C12orf42: variants seen among roughly 807,000 people sequenced by gnomAD.
C12orf42 encodes uncharacterized protein C12orf42.
C12orf42 carries 25 observed loss-of-function variants against 21.6 expected under a neutral mutation model. That is an observed-to-expected ratio of 1.16 (90% CI 0.84 to 1.62). C12orf42 has a LOEUF of 1.62. C12orf42 is among the 40% of genes most tolerant of loss of function. The pLI is 0.00. For synonymous variants in C12orf42, 174 were observed against 175.0 expected, an observed-to-expected ratio of 0.99 and a Z score of 0.05; for missense variants, 483 against 459.3, an observed-to-expected ratio of 1.05 and a Z score of -0.47.
chr12:103,328,909 G>A (rs1045493489), intron 4 of C12orf42, among the ~76,000 whole-genome samples: 2 of 152,210 alleles, frequency 1.3e-5, no homozygotes, highest in Non-Finnish European at 2.9e-5. Context: ...AATAATGATT[G>A]AGCCCTTACT....
At chr12:103,104,284 C>A in the C12orf42 span, among the ~76,000 whole-genome samples, 2 of 152,072 alleles carry the variant, frequency 1.3e-5, no homozygotes, top group Non-Finnish European at 2.9e-5. Context: ...GTTAAACACA[C>A]ATAAGTTCAA....
At chr12:103,106,992 T>C in the C12orf42 span, among the ~76,000 whole-genome samples, 1 of 151,956 alleles carries the variant, frequency 6.6e-6, no homozygotes, top group Non-Finnish European at 1.5e-5. Flanking sequence ...GCAGCATTAT[T>C]GATGTTAGGC....
the C12orf42 span, among the ~76,000 whole-genome samples, chr12:103,231,729 T>A: frequency 6.6e-6 from 1 of 152,218 alleles, no homozygotes; most frequent in Admixed American, 6.5e-5. Context: ...ATAACTTGGA[T>A]TCTTCCAAGT....
At chr12:103,503,101 A>G in the C12orf42 span, among the ~76,000 whole-genome samples, 2 of 152,224 alleles carry the variant, frequency 1.3e-5, no homozygotes, top group African/African-American at 4.8e-5. Context: ...CATACAAGTG[A>G]GAAGACTAAG....
chr12:103,088,899 C>G, the C12orf42 span, among the ~76,000 whole-genome samples: 82 of 152,002 alleles, frequency 5.4e-4, no homozygotes, highest in African/African-American at 1.7e-3. Flanking sequence ...GTCAGGAGAT[C>G]GAGACCATCC....
chr12:103,163,818 ATAGT>A, the C12orf42 span, among the ~76,000 whole-genome samples: 2 of 152,122 alleles, frequency 1.3e-5, no homozygotes. Context: ...TAAAATTGGG[ATAGT>A]TAAAGTGCCT....
At chr12:103,132,856 A>G in the C12orf42 span, among the ~76,000 whole-genome samples, 2 of 152,130 alleles carry the variant, frequency 1.3e-5, no homozygotes, top group African/African-American at 4.8e-5. Flanking sequence ...CGTCTGGCAT[A>G]AGTCTGTTGC....
chr12:103,512,339 A>G, the C12orf42 span, among the ~76,000 whole-genome samples: 11 of 152,194 alleles, frequency 7.2e-5, no homozygotes, highest in African/African-American at 2.7e-4. Flanking sequence ...AAATAAAGGC[A>G]GATTGGTTAA....
the C12orf42 span, among the ~76,000 whole-genome samples, chr12:103,228,257 G>C: frequency 6.6e-6 from 1 of 152,118 alleles, no homozygotes; most frequent in East Asian, 1.9e-4. Flanking sequence ...GGTAGGTAAA[G>C]GAAAATTACA....
intron 5 of C12orf42, among the ~76,000 whole-genome samples, chr12:103,273,428 AG>A (rs1189253259): frequency 2.0e-5 from 3 of 152,208 alleles, no homozygotes; most frequent in Non-Finnish European, 2.9e-5. Context: ...GAATAAACAC[AG>A]CATTGTATAT....
At chr12:103,419,780 G>A (rs1455399413) in intron 2 of C12orf42, among the ~76,000 whole-genome samples, 1 of 152,130 alleles carries the variant, frequency 6.6e-6, no homozygotes, top group Non-Finnish European at 1.5e-5. Flanking sequence ...GCCACCTTGT[G>A]TGGATACCTC....
At chr12:103,403,233 G>A (rs1360653035) in intron 2 of C12orf42, among the ~76,000 whole-genome samples, 4 of 152,144 alleles carry the variant, frequency 2.6e-5, no homozygotes, top group South Asian at 2.1e-4. Flanking sequence ...AAAATTAGCC[G>A]GGAGTGGTGG....
chr12:103,370,264 T>C (rs2045073040), intron 3 of C12orf42, among the ~76,000 whole-genome samples: 1 of 152,186 alleles, frequency 6.6e-6, no homozygotes, highest in Admixed American at 6.6e-5. Flanking sequence ...GGAACACTTA[T>C]ACACTGCTGG....
At chr12:103,473,375 G>A (rs934429227) in intron 2 of C12orf42, among the ~76,000 whole-genome samples, 1 of 152,176 alleles carries the variant, frequency 6.6e-6, no homozygotes, top group Non-Finnish European at 1.5e-5. Context: ...GTATTGCAGA[G>A]CCATTTGATA....
chr12:103,187,007 G>A, the C12orf42 span, among the ~76,000 whole-genome samples: 1 of 152,054 alleles, frequency 6.6e-6, no homozygotes, highest in Non-Finnish European at 1.5e-5. Flanking sequence ...ACTCACAAAA[G>A]CACAATAAAA....
the C12orf42 span, among the ~76,000 whole-genome samples, chr12:103,106,992 T>G: frequency 6.6e-6 from 1 of 151,956 alleles, no homozygotes; most frequent in African/African-American, 2.4e-5. Context: ...GCAGCATTAT[T>G]GATGTTAGGC....
the C12orf42 span, among the ~76,000 whole-genome samples, chr12:103,533,666 A>T: frequency 6.6e-6 from 1 of 152,212 alleles, no homozygotes; most frequent in Non-Finnish European, 1.5e-5. Flanking sequence ...TTGTTGGTCA[A>T]AAATGGTCAA....
At position 103,359,854 on chromosome 12, in the gene C12orf42, C is replaced by T. The variant is rs148805416; in HGVS notation, c.259+9033G>A. Among the ~76,000 whole-genome samples, 239 of 151,860 alleles carry T rather than the reference C, an allele frequency of 1.6e-3. 2 individuals carry two copies. The highest frequency in any genetic ancestry group is 0.014 in the Admixed American group (219 of 15,248). ...TGGTGCCAGTTGTTTAACAGGTGAT[C>T]GATTTTTCTTTGTTGAATGACTTAA... is the stretch of plus-strand genomic sequence containing the variant. On this transcript the variant is annotated intron_variant, in intron 4 of 5. Transcript: ENST00000548883.
At chr12:103,228,018 G>T in the C12orf42 span, among the ~76,000 whole-genome samples, 1 of 152,168 alleles carries the variant, frequency 6.6e-6, no homozygotes, top group Non-Finnish European at 1.5e-5. Flanking sequence ...GAGGTCATAG[G>T]TGGATCTTTC....
Sources: allele counts gnomAD v4.1 joint callset (sites outside exome capture counted in the v4.1 genomes callset), GRCh38; gene constraint gnomAD v4.1.1; transcripts MANE v1.5; gene names NCBI Gene and HGNC (gene_info 2026-07-23, HGNC 2026-07-21).